Variants in CMIP observed in about 807,000 individuals in gnomAD.
CMIP encodes C-Maf-inducing protein.
Under a neutral mutation model 97.3 loss-of-function variants are expected in CMIP, and 13 were observed. That is an observed-to-expected ratio of 0.13 (90% CI 0.09 to 0.21). The LOEUF (loss-of-function observed/expected upper bound fraction) is 0.21, where lower values mean the gene tolerates loss of function less well. Among genes scored for constraint, CMIP ranks in the 10% least tolerant of loss-of-function variants. The probability of loss-of-function intolerance (pLI) is 1.00; values close to 1 mark genes in which losing one functional copy is unlikely to be tolerated. For missense variants in CMIP, 847 were observed against 1,024.9 expected, an observed-to-expected ratio of 0.83 and a Z score of 2.37; for synonymous variants, 538 against 436.3, an observed-to-expected ratio of 1.23 and a Z score of -2.91.
At chr16:81,705,029 G>T (rs1445266967) in intron 18 of CMIP, among the ~76,000 whole-genome samples, 1 of 152,068 alleles carries the variant, frequency 6.6e-6, no homozygotes, top group Non-Finnish European at 1.5e-5. Context: ...GAACTGCACT[G>T]CTCAGTACTC....
chr16:81,496,341 G>T (rs2089490331), intron 1 of CMIP, among the ~76,000 whole-genome samples: 1 of 152,200 alleles, frequency 6.6e-6, no homozygotes, highest in Non-Finnish European at 1.5e-5. Flanking sequence ...CTTCATGGGG[G>T]CGATCCTACT....
At chr16:81,632,636 G>C (rs551127819) in intron 3 of CMIP, among the ~76,000 whole-genome samples, 2 of 152,358 alleles carry the variant, frequency 1.3e-5, no homozygotes, top group Non-Finnish European at 1.5e-5. Flanking sequence ...GCCAGAGGCA[G>C]TACAAGGCGG....
intron 1 of CMIP, among the ~76,000 whole-genome samples, chr16:81,482,137 C>A (rs2089234578): frequency 6.6e-6 from 1 of 152,092 alleles, no homozygotes; most frequent in Non-Finnish European, 1.5e-5. Flanking sequence ...CCTTGGCCTC[C>A]CAAAGTGCTG....
chr16:81,535,033 C>T (rs1204817856), intron 1 of CMIP, among the ~76,000 whole-genome samples: 4 of 152,196 alleles, frequency 2.6e-5, no homozygotes, highest in South Asian at 2.1e-4. Flanking sequence ...TCACTCTAAG[C>T]TCTGCCTCCC....
chr16:81,699,553 C>G (rs1288850748), intron 14 of CMIP, 132 bp from the exon 15 acceptor site: 2 of 625,830 alleles, frequency 3.2e-6, no homozygotes, highest in Non-Finnish European at 5.9e-6. Flanking sequence ...CCTGGTGATC[C>G]TAGAACACCT....
chr16:81,621,025 T>A lies in CMIP; in HGVS notation c.477+99T>A. 6.8e-7 allele frequency: 1 copy of A among 1,480,738 alleles called. No individual in the cohort carries two copies. Among genetic ancestry groups the A allele is most frequent in the African/African-American group, 1.4e-5 (1 of 72,464 alleles). The allele number at this position is 1,480,738 out of a possible 1,614,324, so 91.7% of individuals were successfully genotyped here. A position where few individuals can be genotyped will look rare whatever the true frequency, so the allele number is the denominator to read the frequency against. Reference sequence around the variant, plus strand: ...CAGAGGCATGAAAGTGGAGAACTCATGCCTTCCAGATGGCTCAGCTGAGGA... The same window carrying A: ...CAGAGGCATGAAAGTGGAGAACTCAAGCCTTCCAGATGGCTCAGCTGAGGA... On this transcript the variant is annotated intron_variant, in intron 3 of 20. Transcript: ENST00000537098. This position sits in a 1 kb window ranked among gnomAD's most constrained non-coding sequence, Gnocchi z 4.1.
intron 1 of CMIP, among the ~76,000 whole-genome samples, chr16:81,599,247 C>T (rs913610621): frequency 6.6e-6 from 1 of 152,078 alleles, no homozygotes; most frequent in Admixed American, 6.6e-5. Context: ...AAGGAGAGGT[C>T]ATATTACCTG....
chr16:81,582,494 G>C (rs1008070801), intron 1 of CMIP, among the ~76,000 whole-genome samples: 3 of 152,164 alleles, frequency 2.0e-5, no homozygotes, highest in Non-Finnish European at 4.4e-5. Context: ...AGTCCAGTGG[G>C]CTGGGTTTTC....
At chr16:81,566,201 A>G (rs2150880548) in intron 1 of CMIP, among the ~76,000 whole-genome samples, 1 of 152,272 alleles carries the variant, frequency 6.6e-6, no homozygotes, top group East Asian at 1.9e-4. Flanking sequence ...GTGTGGCTGG[A>G]TGAGTTGTGG....
At chr16:81,562,093 G>A (rs2090894392) in intron 1 of CMIP, among the ~76,000 whole-genome samples, 1 of 152,212 alleles carries the variant, frequency 6.6e-6, no homozygotes, top group South Asian at 2.1e-4. Context: ...GAAGGGAAGT[G>A]AGGGTTCCAT....
In CMIP at chr16:81,453,673, G is replaced by A. The variant is rs1055828772; in HGVS notation, c.300+8132G>A. ...GTGTTCCCCAGGCAGGCTAGCTGCC[G>A]TAACACGCAGCCCTGGCATCTGGGT... On this transcript the variant is annotated intron_variant, in intron 1 of 20. Transcript: ENST00000537098. This position sits in a 1 kb window ranked among gnomAD's most constrained non-coding sequence, Gnocchi z 4.0. 2.6e-5 allele frequency among the ~76,000 whole-genome samples: 4 copies of A among 152,242 alleles called. No individual in the cohort carries two copies. Among genetic ancestry groups the A allele is most frequent in the Non-Finnish European group, 5.9e-5 (4 of 68,050 alleles).
chr16:81,706,534 T>C (rs1010571641), intron 19 of CMIP, among the ~76,000 whole-genome samples: 2 of 152,242 alleles, frequency 1.3e-5, no homozygotes, highest in Non-Finnish European at 2.9e-5. Context: ...TCCTGGTCCC[T>C]GCTGCGGCCC....
intron 1 of CMIP, among the ~76,000 whole-genome samples, chr16:81,506,227 C>G (rs964732922): frequency 6.6e-6 from 1 of 152,132 alleles, no homozygotes; most frequent in African/African-American, 2.4e-5. Context: ...CTGATTGGAT[C>G]TAGGCCTGTG....
intron 1 of CMIP, among the ~76,000 whole-genome samples, chr16:81,587,621 A>T (rs1039962937): frequency 6.6e-6 from 1 of 152,116 alleles, no homozygotes; most frequent in Non-Finnish European, 1.5e-5. Flanking sequence ...GCCAAAGGCC[A>T]CCCAATGGGT....
At chr16:81,619,885 C>A (rs930604130) in intron 2 of CMIP, 1 of 152,212 alleles carries the variant, frequency 6.6e-6, no homozygotes, top group Non-Finnish European at 1.5e-5. Flanking sequence ...GTCTGGCGTC[C>A]ATGAAACACC....
chr16:81,676,376 G>T (rs753380828), intron 9 of CMIP, among the ~76,000 whole-genome samples: 1 of 152,026 alleles, frequency 6.6e-6, no homozygotes, highest in African/African-American at 2.4e-5. Flanking sequence ...CAGTGCTCTC[G>T]GTGGGCAAAT....
chr16:81,499,825 G>A (rs2089563004), intron 1 of CMIP, among the ~76,000 whole-genome samples: 1 of 152,258 alleles, frequency 6.6e-6, no homozygotes, highest in Non-Finnish European at 1.5e-5. Context: ...GCAACTCGCA[G>A]TTGTTGCCTG....
At chr16:81,617,948 T>G (rs1026615680) in intron 2 of CMIP, among the ~76,000 whole-genome samples, 1 of 152,174 alleles carries the variant, frequency 6.6e-6, no homozygotes. Flanking sequence ...GATGTGGTTG[T>G]CCTCCTCCAC....
chr16:81,580,224 G>A (rs934124694), intron 1 of CMIP, among the ~76,000 whole-genome samples: 23 of 152,294 alleles, frequency 1.5e-4, no homozygotes, highest in African/African-American at 4.3e-4. Context: ...GGGCAGGGCC[G>A]TGATCAGACC....
Sources: allele counts gnomAD v4.1 joint callset (sites outside exome capture counted in the v4.1 genomes callset), GRCh38; gene constraint gnomAD v4.1.1; non-coding constraint Gnocchi (gnomAD v3.1); transcripts MANE v1.5; gene names NCBI Gene and HGNC (gene_info 2026-07-23, HGNC 2026-07-21).